ANXA10: variants seen among roughly 807,000 people sequenced by gnomAD.
ANXA10 encodes annexin 14.
A neutral mutation model predicts 53.5 loss-of-function variants in ANXA10; 49 were observed. That is an observed-to-expected ratio of 0.92 (90% CI 0.73 to 1.16). The LOEUF (loss-of-function observed/expected upper bound fraction) is 1.16, where lower values mean the gene tolerates loss of function less well. Among genes scored for constraint, ANXA10 ranks in the 50% most tolerant of loss-of-function variants. The pLI is 0.00. For synonymous variants in ANXA10, 131 were observed against 128.9 expected, an observed-to-expected ratio of 1.02 and a Z score of -0.11; for missense variants, 393 against 394.4, an observed-to-expected ratio of 1.00 and a Z score of 0.03.
intron 2 of ANXA10, among the ~76,000 whole-genome samples, chr4:168,132,546 A>C (rs1280403334): frequency 1.3e-5 from 2 of 152,114 alleles, no homozygotes; most frequent in Admixed American, 6.6e-5. Flanking sequence ...GGAAAGAATG[A>C]ATAAAACATA....
At chr4:168,103,712 C>T (rs936954121) in intron 1 of ANXA10, among the ~76,000 whole-genome samples, 11 of 151,894 alleles carry the variant, frequency 7.2e-5, no homozygotes, top group African/African-American at 2.2e-4. Context: ...GCCAGGATTT[C>T]GACTGGGATT....
intron 10 of ANXA10, among the ~76,000 whole-genome samples, chr4:168,182,580 G>T (rs1375071528): frequency 6.7e-6 from 1 of 149,332 alleles, no homozygotes; most frequent in African/African-American, 2.5e-5. Context: ...TGATCCGCCC[G>T]CCTCGGCCTC....
At chr4:168,178,787 TATAG>T (rs1732183432) in intron 8 of ANXA10, among the ~76,000 whole-genome samples, 1 of 152,348 alleles carries the variant, frequency 6.6e-6, no homozygotes, top group African/African-American at 2.4e-5. Flanking sequence ...GAATATTCTT[TATAG>T]ATACTTTGCT....
intron 3 of ANXA10, among the ~76,000 whole-genome samples, chr4:168,147,176 A>G (rs1193154383): frequency 6.6e-6 from 1 of 152,142 alleles, no homozygotes; most frequent in African/African-American, 2.4e-5. Flanking sequence ...TACCACTTCT[A>G]TTTGACAGGT....
At position 168,164,302 on chromosome 4, in the gene ANXA10, C is replaced by T; in HGVS notation, c.400+14C>T. 1 of 1,564,564 alleles carries T rather than the reference C, an allele frequency of 6.4e-7. No homozygotes were observed. Among genetic ancestry groups the T allele is most frequent in the Non-Finnish European group, 8.8e-7 (1 of 1,136,714 alleles). ...CCTACTGCTTGCGTAAGGAAATATA[C>T]ATATGTGAATATATTTTACACATAT... is the stretch of plus-strand genomic sequence containing the variant. On this transcript the variant is annotated intron_variant, in intron 5 of 11. Transcript: ENST00000359299.
In ANXA10 at chr4:168,181,263, C is replaced by T. The variant is rs548677369; in HGVS notation, c.725-420C>T. 2.2e-3 allele frequency among the ~76,000 whole-genome samples: 336 copies of T among 151,700 alleles called. 4 individuals are homozygous for T. Among genetic ancestry groups the T allele is most frequent in the Non-Finnish European group, 6.9e-4 (47 of 67,888 alleles). ...AAAGTTAGCCGGGCGTGGTGGCGGG[C>T]GCCTGTAGTCCCAGCTACTCGGGAG... On this transcript the variant is annotated intron_variant, in intron 9 of 11. Transcript: ENST00000359299.
At chr4:168,096,853 G>T (rs1730549633) in intron 1 of ANXA10, among the ~76,000 whole-genome samples, 1 of 144,064 alleles carries the variant, frequency 6.9e-6, no homozygotes, top group African/African-American at 2.6e-5. Flanking sequence ...GCCTTCAGCT[G>T]CCCAATGCAC....
intron 3 of ANXA10, among the ~76,000 whole-genome samples, chr4:168,150,293 T>C (rs1033843027): frequency 3.9e-5 from 6 of 152,188 alleles, no homozygotes; most frequent in African/African-American, 1.4e-4. Flanking sequence ...CCAAATTTCA[T>C]TGAAAATTAA....
intron 10 of ANXA10, 96 bp downstream of exon 10, chr4:168,181,837 T>G: frequency 1.1e-6 from 1 of 951,468 alleles, no homozygotes; most frequent in South Asian, 1.4e-5. Context: ...TTCATTACCA[T>G]TTTTGAACTT....
intron 11 of ANXA10, 50 bp from the exon 12 acceptor site, chr4:168,187,316 T>A: frequency 8.0e-7 from 1 of 1,253,860 alleles, no homozygotes; most frequent in Non-Finnish European, 1.1e-6. Flanking sequence ...GCTTCCTTTT[T>A]AGAACTATTA....
intron 3 of ANXA10, among the ~76,000 whole-genome samples, chr4:168,144,576 G>A (rs1349163530): frequency 6.6e-6 from 1 of 152,090 alleles, no homozygotes; most frequent in Non-Finnish European, 1.5e-5. Flanking sequence ...CTGATACCTA[G>A]AACTTTAATA....
chr4:168,156,164 A>ACATATATTATAT (rs1731660065), intron 3 of ANXA10, among the ~76,000 whole-genome samples: 1 of 31,036 alleles, frequency 3.2e-5, no homozygotes, highest in Non-Finnish European at 5.3e-5. Context: ...ATTATATATT[A>ACATATATTATAT]TATATATTAT....
chr4:168,176,600 T>C (rs1732133587), intron 6 of ANXA10, among the ~76,000 whole-genome samples: 1 of 152,176 alleles, frequency 6.6e-6, no homozygotes, highest in African/African-American at 2.4e-5. Flanking sequence ...ATCCCATTCA[T>C]ACTATTTAGG....
At chr4:168,098,021 A>C (rs534127760) in intron 1 of ANXA10, among the ~76,000 whole-genome samples, 1 of 152,168 alleles carries the variant, frequency 6.6e-6, no homozygotes, top group African/African-American at 2.4e-5. Flanking sequence ...ATTATTATAA[A>C]ATTATCTGTT....
chr4:168,098,748 T>C (rs1387392203), intron 1 of ANXA10, among the ~76,000 whole-genome samples: 1 of 152,100 alleles, frequency 6.6e-6, no homozygotes, highest in Non-Finnish European at 1.5e-5. Flanking sequence ...AGTTATACTT[T>C]TATTTATGTC....
At chr4:168,163,104 G>A (rs149111754) in intron 4 of ANXA10, among the ~76,000 whole-genome samples, 22 of 152,156 alleles carry the variant, frequency 1.4e-4, no homozygotes, top group East Asian at 1.2e-3. Context: ...TTTATGACCT[G>A]AAGTTCATTC....
intron 6 of ANXA10, among the ~76,000 whole-genome samples, chr4:168,175,270 T>C (rs1207698896): frequency 6.6e-6 from 1 of 152,166 alleles, no homozygotes; most frequent in African/African-American, 2.4e-5. Context: ...AGACTAAGAA[T>C]TACCACAAAT....
intron 2 of ANXA10, among the ~76,000 whole-genome samples, chr4:168,137,766 T>TAA (rs1299264483): frequency 6.6e-6 from 1 of 152,170 alleles, no homozygotes; most frequent in Non-Finnish European, 1.5e-5. Context: ...ATATCTTTTT[T>TAA]ATATAATGAT....
chr4:168,099,976 T>C (rs1055776642), intron 1 of ANXA10, among the ~76,000 whole-genome samples: 1 of 152,072 alleles, frequency 6.6e-6, no homozygotes, highest in Admixed American at 6.6e-5. Context: ...TCCTACAACA[T>C]GCAAGAGTTC....
Sources: allele counts gnomAD v4.1 joint callset (sites outside exome capture counted in the v4.1 genomes callset), GRCh38; gene constraint gnomAD v4.1.1; transcripts MANE v1.5; gene names NCBI Gene and HGNC (gene_info 2026-07-23, HGNC 2026-07-21).